GPR19: variants seen among roughly 807,000 people sequenced by gnomAD.
GPR19 encodes the protein G protein-coupled receptor 19, also known as probable G protein-coupled receptor 19.
GPR19 carries 14 observed loss-of-function variants against 28.5 expected under a neutral mutation model. The ratio of observed to expected loss-of-function variants is 0.49; its 90% CI spans 0.32 to 0.77. The LOEUF (loss-of-function observed/expected upper bound fraction) is 0.77, where lower values mean the gene tolerates loss of function less well. Among genes scored for constraint, GPR19 ranks in the 30% least tolerant of loss-of-function variants. GPR19 has a pLI of 0.03. For missense variants in GPR19, 409 were observed against 504.1 expected (o/e 0.81, Z 1.81); for synonymous variants, 173 against 184.1 (o/e 0.94, Z 0.49).
At chr12:12,704,920 C>T in the GPR19 span, among the ~76,000 whole-genome samples, 1 of 152,092 alleles carries the variant, frequency 6.6e-6, no homozygotes, top group Non-Finnish European at 1.5e-5. Flanking sequence ...AGGAAAACTA[C>T]TTGGAAACAT....
rs1002596269 is a variant in GPR19 at position 12,687,596 on chromosome 12, G to A, written c.-179-3089C>T. Among the ~76,000 whole-genome samples the A allele has an allele frequency of 5.3e-5, 8 of 152,148 alleles. No homozygotes were observed. In the South Asian group the frequency reaches 1.0e-3, roughly 20 times the overall value. On this transcript the variant is annotated intron_variant, in intron 2 of 3. Coordinates refer to ENST00000651487, the MANE Select transcript of GPR19 (RefSeq NM_006143.3). ...CTTCCACCTTTACCTCAAATCCTGC[G>A]TTGTCTGAATTTAAAAACCTCCTGG...
chr12:12,689,769 T>C (rs1335347929), intron 2 of GPR19, among the ~76,000 whole-genome samples: 1 of 152,234 alleles, frequency 6.6e-6, no homozygotes, highest in East Asian at 1.9e-4. Flanking sequence ...ATAAATAGAA[T>C]GTGACAGAAG....
At chr12:12,683,734 A>G (rs991937656) in intron 3 of GPR19, among the ~76,000 whole-genome samples, 2 of 152,250 alleles carry the variant, frequency 1.3e-5, no homozygotes, top group South Asian at 2.1e-4. Flanking sequence ...ATTTGAGTTC[A>G]CGGCTGATTA....
At chr12:12,664,938 AAAAAAAAAG>A (rs1159932696) in intron 3 of GPR19, among the ~76,000 whole-genome samples, 1,557 of 146,794 alleles carry the variant, frequency 0.011, 49 homozygotes, top group African/African-American at 0.026. Context: ...AAAAAAAAAA[AAAAAAAAAG>A]AAATCAGGAC....
chr12:12,708,744 A>G, the GPR19 span, among the ~76,000 whole-genome samples: 1 of 152,190 alleles, frequency 6.6e-6, no homozygotes, highest in Non-Finnish European at 1.5e-5. Flanking sequence ...ACACCAGGGA[A>G]CCTGCTTTAA....
intron 2 of GPR19, among the ~76,000 whole-genome samples, chr12:12,687,714 A>G (rs974545791): frequency 3.3e-5 from 5 of 152,258 alleles, no homozygotes; most frequent in Non-Finnish European, 5.9e-5. Context: ...TTAAAAATCA[A>G]GAGCTTTCCA....
At chr12:12,715,228 TATCTA>T in the GPR19 span, 2 of 152,206 alleles carry the variant, frequency 1.3e-5, no homozygotes, top group African/African-American at 4.8e-5. Context: ...TTTGGACAAT[TATCTA>T]ATTTCTAGGG....
the GPR19 span, among the ~76,000 whole-genome samples, chr12:12,712,984 A>G: frequency 9.2e-5 from 14 of 151,474 alleles, no homozygotes; most frequent in Admixed American, 2.0e-4. Flanking sequence ...TAATGCCCCA[A>G]TGGCTTTCCA....
intron 3 of GPR19, chr12:12,668,953 C>T (rs927413452): frequency 6.6e-6 from 1 of 152,218 alleles, no homozygotes; most frequent in Non-Finnish European, 1.5e-5. Context: ...AAAGTGGTCA[C>T]TCCAAAGCCC....
the GPR19 span, chr12:12,717,099 G>T: frequency 9.9e-7 from 1 of 1,012,120 alleles, no homozygotes; most frequent in Non-Finnish European, 1.2e-6. Flanking sequence ...GTTCCCGGCC[G>T]TTTGGCTAGT....
At chr12:12,673,827 G>A (rs1945890812) in intron 3 of GPR19, among the ~76,000 whole-genome samples, 1 of 152,158 alleles carries the variant, frequency 6.6e-6, no homozygotes, top group African/African-American at 2.4e-5. Context: ...GCAGGTTTCA[G>A]GCAAAGGAGT....
chr12:12,680,653 T>A lies in GPR19; in HGVS notation c.-23+3698A>T, dbSNP rs184578152. Reference sequence around the variant, plus strand: ...TCCCGAGGACCTGGGACCGCAGGTGTGTGCCACCACACCCAGCTATTTTTG... The same window carrying A: ...TCCCGAGGACCTGGGACCGCAGGTGAGTGCCACCACACCCAGCTATTTTTG... On this transcript the variant is annotated intron_variant, in intron 3 of 3. Coordinates refer to ENST00000651487, the MANE Select transcript of GPR19 (RefSeq NM_006143.3). 7.3e-4 allele frequency among the ~76,000 whole-genome samples: 110 copies of A among 151,520 alleles called. 1 individual carries two copies. The highest frequency in any genetic ancestry group is 3.2e-3 in the Admixed American group (49 of 15,220).
chr12:12,711,417 C>T, the GPR19 span, among the ~76,000 whole-genome samples: 1 of 152,098 alleles, frequency 6.6e-6, no homozygotes, highest in Admixed American at 6.5e-5. Flanking sequence ...CTAGTATTCA[C>T]CTTTCCAGCC....
chr12:12,674,274 CAA>C (rs11423009), intron 3 of GPR19, among the ~76,000 whole-genome samples: 4 of 103,854 alleles, frequency 3.9e-5, no homozygotes, highest in South Asian at 3.4e-4. Context: ...CTATCTCTAC[CAA>C]AAAAAAAAAA....
intron 2 of GPR19, among the ~76,000 whole-genome samples, chr12:12,687,459 C>T (rs1177623632): frequency 6.6e-6 from 1 of 152,212 alleles, no homozygotes; most frequent in African/African-American, 2.4e-5. Flanking sequence ...TCAACTTCTA[C>T]AAGTATGCAT....
chr12:12,710,818 A>G, the GPR19 span, among the ~76,000 whole-genome samples: 2 of 152,202 alleles, frequency 1.3e-5, no homozygotes, highest in African/African-American at 2.4e-5. Flanking sequence ...GGGGATTACA[A>G]ACATGAGCCA....
the GPR19 span, chr12:12,703,333 G>C: frequency 2.1e-6 from 2 of 963,966 alleles, no homozygotes; most frequent in Non-Finnish European, 2.5e-6. Flanking sequence ...GTGAGACACA[G>C]TCTCACTTTT....
chr12:12,698,617 A>ATT (rs11411021), upstream of GPR19, among the ~76,000 whole-genome samples: 299 of 149,792 alleles, frequency 2.0e-3, no homozygotes, highest in African/African-American at 5.3e-3. Context: ...AACTTAAAGC[A>ATT]TTTTTTTTTT....
At chr12:12,690,858 T>TA (rs34049668) in intron 2 of GPR19, among the ~76,000 whole-genome samples, 1 of 152,246 alleles carries the variant, frequency 6.6e-6, no homozygotes, top group African/African-American at 2.4e-5. Flanking sequence ...CAGCACTCTC[T>TA]AAAAAGGGCT....
Sources: allele counts gnomAD v4.1 joint callset (sites outside exome capture counted in the v4.1 genomes callset), GRCh38; gene constraint gnomAD v4.1.1; transcripts MANE v1.5; gene names NCBI Gene and HGNC (gene_info 2026-07-23, HGNC 2026-07-21).